Variants in GNAQ observed in about 807,000 individuals in gnomAD.
GNAQ encodes G protein subunit alpha q.
Under a neutral mutation model 43.9 loss-of-function variants are expected in GNAQ, and 8 were observed. The observed-to-expected ratio is 0.18, with a 90% CI of 0.11 to 0.33. GNAQ has a LOEUF of 0.33. Ranked by LOEUF, GNAQ falls within the 10% of genes least tolerant of loss-of-function variation. GNAQ has a pLI of 1.00. For synonymous variants in GNAQ, 155 were observed against 170.7 expected, an observed-to-expected ratio of 0.91 and a Z score of 0.71; for missense variants, 158 against 450.8, an observed-to-expected ratio of 0.35 and a Z score of 5.88.
intron 5 of GNAQ, among the ~76,000 whole-genome samples, chr9:77,740,358 C>T (rs879270032): frequency 3.9e-5 from 6 of 152,166 alleles, no homozygotes; most frequent in Non-Finnish European, 5.9e-5. Context: ...TCTCTCTTCC[C>T]TTTGTCTACC....
chr9:77,880,788 G>C (rs920144436), intron 2 of GNAQ, among the ~76,000 whole-genome samples: 3 of 152,076 alleles, frequency 2.0e-5, no homozygotes, highest in Non-Finnish European at 4.4e-5. Flanking sequence ...ATTATGCCTG[G>C]AGTGTGTTTT....
At chr9:77,990,997 T>C (rs923519694) in intron 1 of GNAQ, among the ~76,000 whole-genome samples, 2 of 152,236 alleles carry the variant, frequency 1.3e-5, no homozygotes, top group Admixed American at 6.5e-5. Context: ...ATGTATTTAA[T>C]AGAGTCACTT....
intron 5 of GNAQ, among the ~76,000 whole-genome samples, chr9:77,764,299 G>A (rs941751935): frequency 1.3e-5 from 2 of 151,972 alleles, no homozygotes; most frequent in East Asian, 3.9e-4. Context: ...ATTTCCCTAA[G>A]GTCAATGGGT....
intron 5 of GNAQ, among the ~76,000 whole-genome samples, chr9:77,759,788 CA>C (rs1278074774): frequency 2.0e-5 from 3 of 152,140 alleles, no homozygotes; most frequent in African/African-American, 4.8e-5. Context: ...TCTCCATCTC[CA>C]AAAGGCTCAG....
At chr9:77,925,551 T>C (rs573701708) in intron 1 of GNAQ, among the ~76,000 whole-genome samples, 1 of 152,296 alleles carries the variant, frequency 6.6e-6, no homozygotes, top group African/African-American at 2.4e-5. Context: ...AGGGACCCAT[T>C]TTGAATCTTG....
chr9:78,030,586 C>G (rs1188628257), intron 1 of GNAQ: 4 of 468,778 alleles, frequency 8.5e-6, no homozygotes, highest in African/African-American at 8.0e-5. Flanking sequence ...CCATAGGGCA[C>G]TGATAATGGA....
intron 1 of GNAQ, among the ~76,000 whole-genome samples, chr9:77,931,151 G>T (rs969393631): frequency 6.8e-6 from 1 of 147,726 alleles, no homozygotes; most frequent in African/African-American, 2.5e-5. Context: ...CAGAATGAAT[G>T]TCATTGAGAT....
At chr9:78,012,702 T>C (rs527828246) in intron 1 of GNAQ, among the ~76,000 whole-genome samples, 61 of 152,316 alleles carry the variant, frequency 4.0e-4, no homozygotes, top group Admixed American at 1.4e-3. Context: ...TGCATCTTAA[T>C]TGCAGACACA....
At chr9:77,837,733 T>C (rs1158675311) in intron 2 of GNAQ, among the ~76,000 whole-genome samples, 2 of 152,008 alleles carry the variant, frequency 1.3e-5, no homozygotes, top group Non-Finnish European at 2.9e-5. Context: ...AAAAAGTAGA[T>C]TGTAAAATAG....
At chr9:77,868,677 T>TC (rs1276959912) in intron 2 of GNAQ, among the ~76,000 whole-genome samples, 2 of 151,970 alleles carry the variant, frequency 1.3e-5, no homozygotes, top group Non-Finnish European at 2.9e-5. Flanking sequence ...GTGCCTGTAA[T>TC]CCAGCTACTC....
intron 5 of GNAQ, among the ~76,000 whole-genome samples, chr9:77,781,336 T>A (rs1235666480): frequency 6.6e-6 from 1 of 152,050 alleles, no homozygotes; most frequent in Non-Finnish European, 1.5e-5. Flanking sequence ...CAACACCATT[T>A]ATTGAAAAGA....
intron 2 of GNAQ, among the ~76,000 whole-genome samples, chr9:77,854,578 T>G (rs1488161036): frequency 2.0e-5 from 3 of 152,218 alleles, no homozygotes; most frequent in African/African-American, 7.2e-5. Flanking sequence ...ATCAGCAAGA[T>G]GTACAAATGC....
At chr9:77,914,512 A>C (rs1284149904) in intron 2 of GNAQ, among the ~76,000 whole-genome samples, 1 of 152,118 alleles carries the variant, frequency 6.6e-6, no homozygotes, top group African/African-American at 2.4e-5. Flanking sequence ...AATACAAAAA[A>C]TTAGACAGGC....
chr9:77,853,789 A>AC (rs1564130727), intron 2 of GNAQ, among the ~76,000 whole-genome samples: 2 of 150,762 alleles, frequency 1.3e-5, no homozygotes, highest in East Asian at 1.9e-4. Context: ...AAAAAAAAAA[A>AC]AAAAAAAAAA....
At position 77,893,422 on chromosome 9, in the gene GNAQ, G is replaced by T. The variant is rs139746187; in HGVS notation, c.321+28739C>A. On this transcript the variant is annotated intron_variant, in intron 2 of 6. Transcript: ENST00000286548. ...AACTTATATGGTCTGAAAAGGGGAG[G>T]ACCCCTCAGTTCTGGGAATTGCCCA... 1.4e-3 allele frequency among the ~76,000 whole-genome samples: 207 copies of T among 152,294 alleles called. 2 individuals carry two copies. Among genetic ancestry groups the T allele is most frequent in the Middle Eastern group, 0.01 (3 of 294 alleles).
In GNAQ at chr9:77,808,099, A is replaced by C. The variant is rs576390765; in HGVS notation, c.476+7517T>G. Reference sequence around the variant, plus strand: ...GAAGAGGCCAAACTACTCAAAGTCCAAATAAACGTCCTGATAAAATGTGAG... The same window carrying C: ...GAAGAGGCCAAACTACTCAAAGTCCCAATAAACGTCCTGATAAAATGTGAG... On this transcript the variant is annotated intron_variant, in intron 3 of 6. Coordinates refer to ENST00000286548, the MANE Select transcript of GNAQ (RefSeq NM_002072.5). Among the ~76,000 whole-genome samples the C allele has an allele frequency of 1.8e-4, 27 of 152,256 alleles. No homozygotes were observed. In the South Asian group the frequency reaches 5.6e-3, roughly 32 times the overall value.
intron 1 of GNAQ, among the ~76,000 whole-genome samples, chr9:77,923,337 T>A (rs1006861204): frequency 6.6e-6 from 1 of 152,168 alleles, no homozygotes; most frequent in African/African-American, 2.4e-5. Flanking sequence ...AGAAATTTAT[T>A]GTGATTAGCT....
chr9:77,810,224 ATCT>A lies in GNAQ; in HGVS notation c.476+5389_476+5391del, dbSNP rs1359970893. 2.8e-4 allele frequency among the ~76,000 whole-genome samples: 38 copies of A among 136,606 alleles called. 1 individual carries two copies. The highest frequency in any genetic ancestry group is 1.1e-3 in the African/African-American group (37 of 33,326). 89.6% of individuals were successfully genotyped at this position (136,606 alleles called of 152,430 possible). A position where few individuals can be genotyped will look rare whatever the true frequency, so the allele number is the denominator to read the frequency against. On this transcript the variant is annotated intron_variant, in intron 3 of 6. Coordinates refer to ENST00000286548, the MANE Select transcript of GNAQ (RefSeq NM_002072.5). Reference sequence around the variant, plus strand: ...CTGTCAATCATCTATCTATCTATCTATCTATCTATCTATCTATCTATCTATCTA... The same window carrying A: ...CTGTCAATCATCTATCTATCTATCTAATCTATCTATCTATCTATCTATCTA...
intron 1 of GNAQ, among the ~76,000 whole-genome samples, chr9:77,988,378 T>C (rs1046718017): frequency 1.3e-5 from 2 of 152,192 alleles, no homozygotes; most frequent in African/African-American, 4.8e-5. Context: ...ATAGTACAGG[T>C]TGGGTCCTAC....
Sources: allele counts gnomAD v4.1 joint callset (sites outside exome capture counted in the v4.1 genomes callset), GRCh38; gene constraint gnomAD v4.1.1; transcripts MANE v1.5; gene names NCBI Gene and HGNC (gene_info 2026-07-23, HGNC 2026-07-21).